SH3KBP1: variants seen among roughly 807,000 people sequenced by gnomAD.
SH3KBP1 encodes SH3 domain-containing kinase-binding protein 1.
A neutral mutation model predicts 50.1 loss-of-function variants in SH3KBP1; 8 were observed. The ratio of observed to expected loss-of-function variants is 0.16; its 90% CI spans 0.09 to 0.29. The LOEUF (loss-of-function observed/expected upper bound fraction) is 0.29, where lower values mean the gene tolerates loss of function less well. Among genes scored for constraint, SH3KBP1 ranks in the 10% least tolerant of loss-of-function variants. SH3KBP1 has a pLI of 1.00. For synonymous variants in SH3KBP1, 227 were observed against 218.6 expected, an observed-to-expected ratio of 1.04 and a Z score of -0.34; for missense variants, 377 against 535.2, an observed-to-expected ratio of 0.70 and a Z score of 2.92.
intron 6 of SH3KBP1, among the ~76,000 whole-genome samples, chrX:19,647,586 T>C (rs1384934023): frequency 9.0e-6 from 1 of 111,530 alleles, no homozygotes; most frequent in African/African-American, 3.3e-5. Context: ...ACAGGGGTGA[T>C]GGTGAAGCTG....
intron 1 of SH3KBP1, among the ~76,000 whole-genome samples, chrX:19,886,443 G>A: frequency 8.9e-6 from 1 of 112,237 alleles, no homozygotes; most frequent in Non-Finnish European, 1.9e-5. Flanking sequence ...AATAGCCCAA[G>A]TAATCATAAG....
intron 1 of SH3KBP1, among the ~76,000 whole-genome samples, chrX:19,885,212 C>T (rs2069555532): frequency 9.0e-6 from 1 of 111,564 alleles, no homozygotes; most frequent in Non-Finnish European, 1.9e-5. Context: ...TGCATACACA[C>T]AACCTCAGCC....
intron 8 of SH3KBP1, among the ~76,000 whole-genome samples, chrX:19,608,308 T>TTC (rs1159641065): frequency 4.4e-4 from 43 of 97,365 alleles, no homozygotes; most frequent in African/African-American, 1.6e-3. Context: ...CTTTCTTTCT[T>TTC]TTTTTTTTTT....
chrX:19,631,250 C>T (rs772887421), intron 8 of SH3KBP1, among the ~76,000 whole-genome samples: 51 of 112,851 alleles, frequency 4.5e-4, no homozygotes, highest in Admixed American at 1.4e-3. Context: ...TTTCAACCAC[C>T]TACTTGGTGA....
chrX:19,542,168 G>A lies in SH3KBP1; in HGVS notation c.1649C>T (p.Pro550Leu), dbSNP rs2064933821. The change falls in exon 16 of 18, where the codon CCG becomes CTG. Residue 550 changes from proline to leucine, a missense_variant. Coordinates refer to ENST00000397821, the MANE Select transcript of SH3KBP1 (RefSeq NM_031892.3). ...TGCTGCCATGGTCCCCGGCTTGGGC[G>A]GCAGGGATGCTTTGTTGTCAGACAC... ...SQVSDNKASLPPKPGTMAAGG... is the reference protein window; with the variant it reads ...SQVSDNKASLLPKPGTMAAGG... 5.9e-6 allele frequency: 7 copies of A among 1,183,754 alleles called. No individual in the cohort carries two copies. Among genetic ancestry groups the A allele is most frequent in the South Asian group, 1.9e-5 (1 of 52,451 alleles).
At chrX:19,668,113 C>T (rs2062656382) in intron 6 of SH3KBP1, among the ~76,000 whole-genome samples, 1 of 111,229 alleles carries the variant, frequency 9.0e-6, no homozygotes, top group African/African-American at 3.3e-5. Context: ...GAAGGGGTCC[C>T]ATAGTACATT....
At chrX:19,623,138 G>T (rs1456653459) in intron 8 of SH3KBP1, among the ~76,000 whole-genome samples, 1 of 109,761 alleles carries the variant, frequency 9.1e-6, no homozygotes, top group Non-Finnish European at 1.9e-5. Flanking sequence ...TGCTGCCAAG[G>T]ATAATCATGA....
intron 3 of SH3KBP1, among the ~76,000 whole-genome samples, chrX:19,708,784 T>A (rs2063712642): frequency 8.9e-6 from 1 of 111,858 alleles, no homozygotes. Context: ...ATTTGCTGGA[T>A]GTTATGTTAA....
chrX:19,653,821 T>C (rs1341854489), intron 6 of SH3KBP1, among the ~76,000 whole-genome samples: 2 of 99,264 alleles, frequency 2.0e-5, no homozygotes, highest in Non-Finnish European at 4.0e-5. Flanking sequence ...CACAGCTTCT[T>C]AACAGCTGTT....
At chrX:19,785,783 G>A (rs1408669740) in intron 2 of SH3KBP1, among the ~76,000 whole-genome samples, 4 of 111,700 alleles carry the variant, frequency 3.6e-5, no homozygotes, top group Admixed American at 1.9e-4. Flanking sequence ...GCTACCACAC[G>A]GATGAACCTT....
chrX:19,624,398 A>C (rs183571160), intron 8 of SH3KBP1, among the ~76,000 whole-genome samples: 8 of 111,989 alleles, frequency 7.1e-5, no homozygotes, highest in African/African-American at 2.6e-4. Flanking sequence ...TAGGTTGAAC[A>C]AACACAGGAT....
At chrX:19,645,180 G>A (rs954751236) in intron 7 of SH3KBP1, among the ~76,000 whole-genome samples, 2 of 111,906 alleles carry the variant, frequency 1.8e-5, no homozygotes, top group African/African-American at 6.5e-5. Context: ...AGAGAACCAC[G>A]TTCTGTAATA....
chrX:19,768,909 T>C (rs1569463619), intron 2 of SH3KBP1, among the ~76,000 whole-genome samples: 1 of 106,002 alleles, frequency 9.4e-6, no homozygotes, highest in African/African-American at 3.4e-5. Flanking sequence ...AAATTCAGTG[T>C]ACACACACAC....
intron 16 of SH3KBP1, among the ~76,000 whole-genome samples, chrX:19,539,118 T>G (rs1258885377): frequency 8.9e-6 from 1 of 111,870 alleles, no homozygotes; most frequent in African/African-American, 3.3e-5. Flanking sequence ...TCCCACAAAG[T>G]TAGGGCTCTA....
chrX:19,804,880 C>CT (rs2066990979), intron 2 of SH3KBP1, among the ~76,000 whole-genome samples: 2 of 47,894 alleles, frequency 4.2e-5, no homozygotes, highest in Non-Finnish European at 7.2e-5. Context: ...AGCCCAAACC[C>CT]TACCCCCCCC....
chrX:19,671,924 TTTCAG>T (rs1380060563), intron 6 of SH3KBP1, among the ~76,000 whole-genome samples: 2 of 112,183 alleles, frequency 1.8e-5, no homozygotes, highest in African/African-American at 3.2e-5. Context: ...TGATGACCTG[TTTCAG>T]TTAACTATGG....
chrX:19,542,260 A>C (rs1244718335), intron 15 of SH3KBP1, 67 bp from the exon 16 acceptor site: 1 of 1,019,854 alleles, frequency 9.8e-7, no homozygotes, highest in Non-Finnish European at 1.3e-6. Flanking sequence ...TGTCCTGGTT[A>C]GTCAAACTCT....
intron 12 of SH3KBP1, among the ~76,000 whole-genome samples, chrX:19,579,927 G>T (rs2066315954): frequency 8.9e-6 from 1 of 111,752 alleles, no homozygotes; most frequent in Non-Finnish European, 1.9e-5. Flanking sequence ...CCCCCATGGA[G>T]GTCACAGATT....
At chrX:19,864,443 T>C (rs768049513) in intron 1 of SH3KBP1, among the ~76,000 whole-genome samples, 2 of 111,633 alleles carry the variant, frequency 1.8e-5, no homozygotes, top group East Asian at 5.6e-4. Flanking sequence ...ATTATCCAGG[T>C]GGACCCAATG....
Sources: gnomAD v4.1 joint callset for allele counts (sites outside exome capture counted in the v4.1 genomes callset) on GRCh38, gnomAD v4.1.1 for gene constraint, MANE v1.5 for transcripts, NCBI Gene and HGNC (gene_info 2026-07-23, HGNC 2026-07-21) for gene names.